Variants in IKZF4 observed in about 807,000 individuals in gnomAD.
IKZF4 encodes IKAROS family zinc finger 4.
In IKZF4, 11 loss-of-function variants were observed where a neutral mutation model predicts 47.7. That is an observed-to-expected ratio of 0.23 (90% CI 0.15 to 0.38). IKZF4 has a LOEUF of 0.38. Among genes scored for constraint, IKZF4 ranks in the 10% least tolerant of loss-of-function variants. IKZF4 has a pLI of 1.00. For missense variants in IKZF4, 557 were observed against 784.9 expected, an observed-to-expected ratio of 0.71 and a Z score of 3.47; for synonymous variants, 298 against 299.4, an observed-to-expected ratio of 1.00 and a Z score of 0.05.
chr12:56,007,767 G>T (rs1565804425), intron 1 of IKZF4: 1 of 152,066 alleles, frequency 6.6e-6, no homozygotes, highest in Admixed American at 6.5e-5. Context: ...TGGGGGTAAA[G>T]CGGGGGCGGG....
chr12:56,012,935 G>A (rs927102445), intron 2 of IKZF4, among the ~76,000 whole-genome samples: 8 of 152,270 alleles, frequency 5.3e-5, no homozygotes, highest in African/African-American at 1.9e-4. Context: ...AGTGTGCTGT[G>A]ATTGTGCCCA....
At chr12:56,028,605 C>T (rs978097073) in intron 5 of IKZF4, among the ~76,000 whole-genome samples, 2 of 147,486 alleles carry the variant, frequency 1.4e-5, no homozygotes, top group South Asian at 2.2e-4. Flanking sequence ...TTTTTCAAGA[C>T]GGTGTCTCAC....
In IKZF4 at chr12:56,025,138, C is replaced by T; in HGVS notation, c.266C>T (p.Ser89Phe). The T allele has an allele frequency of 6.3e-7, 1 of 1,596,598 alleles. No individual in the cohort carries two copies. The highest frequency in any genetic ancestry group is 1.3e-5 in the African/African-American group (1 of 74,304). ...AGCACCCCCAACAGCCAGCACTCTTCTCCTAGCCGCTCACTCAGTGGTAAG... is the reference window on the plus strand; with the variant it reads ...AGCACCCCCAACAGCCAGCACTCTTTTCCTAGCCGCTCACTCAGTGGTAAG... ...SVSTPNSQHS[S>F]PSRSLSANSI... is the part of the protein sequence containing the mutation. Residue 89 changes from serine (S) to phenylalanine (F), a missense_variant, in exon 3 of 8, where the codon TCT (serine) becomes TTT (phenylalanine). By Grantham distance (155) the Ser-to-Phe change is radical (BLOSUM62 -2). This residue lies in a region of IKZF4 where 112 missense variants were observed against 168.2 expected (regional missense o/e 0.67). Coordinates refer to ENST00000547167, the MANE Select transcript of IKZF4 (RefSeq NM_022465.4).
chr12:56,026,834 G>T lies in IKZF4; in HGVS notation c.340G>T (p.Gly114Trp). ...YSDEESSRLL[G>W]PDERLLEKDD... ...CGATGAGGAGTCAAGCAGACTGCTGGGGCCAGATGAGCGGCTCCTGGAAAA... is the reference window on the plus strand; with the variant it reads ...CGATGAGGAGTCAAGCAGACTGCTGTGGCCAGATGAGCGGCTCCTGGAAAA... Residue 114 changes from glycine to tryptophan, a missense_variant, in exon 4 of 8, where the codon GGG becomes TGG. Gly to Trp is a radical substitution (Grantham distance 184). Transcript: ENST00000547167. The T allele has an allele frequency of 6.2e-7, 1 of 1,611,292 alleles. No homozygotes were observed. The highest frequency in any genetic ancestry group is 8.5e-7 in the Non-Finnish European group (1 of 1,178,758).
intron 5 of IKZF4, among the ~76,000 whole-genome samples, chr12:56,028,276 A>G (rs1340145928): frequency 2.6e-5 from 4 of 151,986 alleles, no homozygotes; most frequent in African/African-American, 4.8e-5. Flanking sequence ...CTGTAATCCC[A>G]GCACTTTGGG....
rs1895441700 is a variant in IKZF4, at chr12:56,034,608, C to T, written c.1035C>T (p.Pro345=). Residue 345 remains proline (P), a synonymous_variant, in exon 8 of 8, where the codon CCC becomes CCT. Transcript: ENST00000547167. Reference sequence around the variant, plus strand: ...TGCGCTTCAGCCTCTCAGACCTCCCCTATGATGTGAACTCGGGTGGCTATG... The same window carrying T: ...TGCGCTTCAGCCTCTCAGACCTCCCTTATGATGTGAACTCGGGTGGCTATG... ...KQMRFSLSDL[P]YDVNSGGYEK... 1 of 1,613,656 alleles carries T rather than the reference C, an allele frequency of 6.2e-7. No individual in the cohort carries two copies. Among genetic ancestry groups the T allele is most frequent in the Non-Finnish European group, 8.5e-7 (1 of 1,179,740 alleles).
rs756220722 is a variant in IKZF4, at chr12:56,034,813, G to A, written c.1240G>A (p.Glu414Lys). ...GATGCAGCCCCTCCCTGGTCGACTG[G>A]AGCTTCCAGGATCCCGAGAAGCAGG... ...TQMQPLPGRLELPGSREAGEG... is the reference protein window; with the variant it reads ...TQMQPLPGRLKLPGSREAGEG... Residue 414 changes from glutamate (E) to lysine (K), a missense_variant, in exon 8 of 8, where the codon GAG becomes AAG. Physicochemically the swap from Glu to Lys is moderately conservative, Grantham distance 56. Coordinates refer to ENST00000547167, the MANE Select transcript of IKZF4 (RefSeq NM_022465.4). 46 of 1,613,882 alleles carry A rather than the reference G, an allele frequency of 2.9e-5. No homozygotes were observed. The highest frequency in any genetic ancestry group is 3.8e-5 in the Non-Finnish European group (45 of 1,179,884).
Position 56,035,129 on chromosome 12 carries a change from T to A in IKZF4, c.1556T>A (p.Val519Glu). 1 of 1,613,510 alleles carries A rather than the reference T, an allele frequency of 6.2e-7. No homozygotes were observed. Among genetic ancestry groups the A allele is most frequent in the Non-Finnish European group, 8.5e-7 (1 of 1,179,632 alleles). The part of the protein sequence containing the change: ...TPGPSKEVLR[V>E]VGESGEPVKA... ...GGCCCCTCCAAGGAAGTGCTTCGGG[T>A]GGTGGGCGAGAGTGGTGAGCCTGTG... Residue 519 changes from valine (V) to glutamate (E), a missense_variant, in exon 8 of 8, where the codon GTG (valine) becomes GAG (glutamate). This residue lies in a region of IKZF4 where 280 missense variants were observed against 314.0 expected (regional missense o/e 0.89). Transcript: ENST00000547167. This position sits in a 1 kb window ranked among gnomAD's most constrained non-coding sequence, Gnocchi z 6.1.
intron 2 of IKZF4, among the ~76,000 whole-genome samples, chr12:56,014,517 C>A (rs1475579056): frequency 6.6e-6 from 1 of 152,164 alleles, no homozygotes; most frequent in South Asian, 2.1e-4. Flanking sequence ...CACACACACA[C>A]AAAATAATAT....
intron 5 of IKZF4, among the ~76,000 whole-genome samples, chr12:56,031,710 A>C (rs1894940165): frequency 2.0e-5 from 3 of 152,160 alleles, no homozygotes; most frequent in Admixed American, 6.5e-5. Context: ...TCTCACAAAT[A>C]TCTCTTAAGA....
chr12:56,020,052 C>T (rs926954993), upstream of IKZF4, among the ~76,000 whole-genome samples: 5 of 152,268 alleles, frequency 3.3e-5, no homozygotes, highest in African/African-American at 1.2e-4. Context: ...CCCATCTCTC[C>T]TGGAAGAGTC....
upstream of IKZF4, among the ~76,000 whole-genome samples, chr12:56,017,044 T>A (rs1170660092): frequency 6.6e-6 from 1 of 152,052 alleles, no homozygotes; most frequent in Non-Finnish European, 1.5e-5. Context: ...TTTGGAGGTA[T>A]GTAAATTTCC....
chr12:56,036,853 T>C lies in IKZF4; in HGVS notation c.*1522T>C, dbSNP rs1406481112. 1 of 152,320 alleles carries C rather than the reference T, an allele frequency of 6.6e-6. No homozygotes were observed. The highest frequency in any genetic ancestry group is 1.5e-5 in the Non-Finnish European group (1 of 68,018). The allele number at this position is 152,320 out of a possible 1,614,324, so 9.4% of individuals were successfully genotyped here. ...AGTTTTCTGCCCAAGGCCACAGCCA[T>C]CCCACTCTCTGCTTCCTTGAGATTC... On this transcript the variant is annotated 3_prime_UTR_variant, in exon 8 of 8. Coordinates refer to ENST00000547167, the MANE Select transcript of IKZF4 (RefSeq NM_022465.4).
chr12:56,017,570 A>G (rs1474910347), upstream of IKZF4, among the ~76,000 whole-genome samples: 1 of 152,160 alleles, frequency 6.6e-6, no homozygotes, highest in Admixed American at 6.5e-5. Flanking sequence ...CTCAAAATCA[A>G]GGACCACTCT....
chr12:56,026,762 A>ACAC lies in IKZF4; in HGVS notation c.287-16_287-14dup. 6.6e-7 allele frequency: 1 copy of ACAC among 1,521,798 alleles called. No individual in the cohort carries two copies. The highest frequency in any genetic ancestry group is 8.8e-7 in the Non-Finnish European group (1 of 1,132,036). 94.3% of individuals were successfully genotyped at this position (1,521,798 alleles called of 1,614,324 possible). Reference sequence around the variant, plus strand: ...CCCCCTTTGCCTCTCTCTATTCTAAACACCATCCCACCCCTCAGCCAACTC... The same window carrying ACAC: ...CCCCCTTTGCCTCTCTCTATTCTAAACACCACCATCCCACCCCTCAGCCAACTC... On this transcript the variant is annotated intron_variant, in intron 3 of 7. Coordinates refer to ENST00000547167, the MANE Select transcript of IKZF4 (RefSeq NM_022465.4).
chr12:56,012,360 C>T (rs1391966323), intron 2 of IKZF4, among the ~76,000 whole-genome samples: 2 of 151,156 alleles, frequency 1.3e-5, no homozygotes, highest in African/African-American at 4.9e-5. Flanking sequence ...CTGCAACCTC[C>T]GCCTCCTGGG....
At chr12:56,028,408 C>G (rs897649572) in intron 5 of IKZF4, among the ~76,000 whole-genome samples, 2 of 151,626 alleles carry the variant, frequency 1.3e-5, no homozygotes, top group Non-Finnish European at 2.9e-5. Flanking sequence ...TGGCAGGCAC[C>G]TGTAGTCCCA....
chr12:56,016,688 C>A (rs1420349935), upstream of IKZF4, among the ~76,000 whole-genome samples: 1 of 152,148 alleles, frequency 6.6e-6, no homozygotes, highest in Non-Finnish European at 1.5e-5. Flanking sequence ...CCTCCGCCTC[C>A]TGGGTTCAGG....
chr12:56,036,036 C>T lies in IKZF4; in HGVS notation c.*705C>T, dbSNP rs1003785810. ...TATTCCCCTAGTAATAGGTCATATT[C>T]CCCTAGTAATATGAGTTCTCAAAGC... On this transcript the variant is annotated 3_prime_UTR_variant, in exon 8 of 8. Transcript: ENST00000547167. 2 of 152,596 alleles carry T rather than the reference C, an allele frequency of 1.3e-5. No individual in the cohort carries two copies. The highest frequency in any genetic ancestry group is 4.8e-5 in the African/African-American group (2 of 41,404). 9.5% of individuals were successfully genotyped at this position (152,596 alleles called of 1,614,324 possible).
Sources: gnomAD v4.1 joint callset for allele counts (sites outside exome capture counted in the v4.1 genomes callset) on GRCh38, gnomAD v4.1.1 for gene constraint, gnomAD v4.1.1 regional missense constraint, Gnocchi (gnomAD v3.1) non-coding constraint, MANE v1.5 for transcripts, NCBI Gene and HGNC (gene_info 2026-07-23, HGNC 2026-07-21) for gene names.